Variants in PCDHGB2 observed in about 807,000 individuals in gnomAD.
PCDHGB2 encodes the protein protocadherin gamma-B2.
A neutral mutation model predicts 59.3 loss-of-function variants in PCDHGB2; 55 were observed. The observed-to-expected ratio is 0.93, with a 90% confidence interval of 0.75 to 1.16. The LOEUF (loss-of-function observed/expected upper bound fraction) is 1.16. Ranked by LOEUF, PCDHGB2 falls within the 50% of genes most tolerant of loss-of-function variation. The probability of loss-of-function intolerance (pLI) is 0.00; values close to 1 mark genes in which losing one functional copy is unlikely to be tolerated. For missense variants in PCDHGB2, 1,228 were observed against 1,198.5 expected (o/e 1.02, Z -0.36); for synonymous variants, 516 against 512.0 (o/e 1.01, Z -0.11).
intron 1 of PCDHGB2, chr5:141,399,894 C>T (rs201911174): frequency 1.9e-6 from 3 of 1,612,570 alleles, no homozygotes; most frequent in Non-Finnish European, 2.5e-6. Context: ...AGGTAGTGGC[C>T]GTGGACGCAG....
At chr5:141,492,026 G>T in intron 1 of PCDHGB2, 1 of 567,198 alleles carries the variant, frequency 1.8e-6, no homozygotes, top group Non-Finnish European at 3.0e-6. Flanking sequence ...GGGGTCCCGG[G>T]AGGAGGCAGT....
Position 141,362,139 on chromosome 5 carries a change from G to A in PCDHGB2, c.2004G>A (p.Leu668=), listed in dbSNP as rs1162182295. 2 of 1,614,030 alleles carry A rather than the reference G, an allele frequency of 1.2e-6. No homozygotes were observed. Among genetic ancestry groups the A allele is most frequent in the Admixed American group, 1.7e-5 (1 of 60,034 alleles). The change falls in exon 1 of 4, where the codon CTG becomes CTA. Residue 668 remains leucine (L), a synonymous_variant. Transcript: ENST00000522605. ...TGCACCTAATCTTCGCGGATAGCCT[G>A]CAAGAGGTATTGCCAGACCTCAGCG... is the stretch of plus-strand genomic sequence containing the variant. ...ATLHLIFADS[L]QEVLPDLSDR...
At chr5:141,506,700 G>A (rs780282969) in intron 3 of PCDHGB2, among the ~76,000 whole-genome samples, 3 of 152,138 alleles carry the variant, frequency 2.0e-5, no homozygotes, top group Non-Finnish European at 2.9e-5. Flanking sequence ...ACCCAAACCC[G>A]TTTTTTACTG....
chr5:141,365,862 C>T (rs1424716310), intron 1 of PCDHGB2: 10 of 1,613,946 alleles, frequency 6.2e-6, no homozygotes, highest in African/African-American at 4.0e-5. Context: ...AACTCTGACA[C>T]CGGTGTCCTG....
chr5:141,501,971 G>A (rs2099812098), intron 2 of PCDHGB2, among the ~76,000 whole-genome samples: 1 of 151,956 alleles, frequency 6.6e-6, no homozygotes. Context: ...CCTAACCTCT[G>A]GCATCTGGTC....
chr5:141,430,587 T>C, intron 1 of PCDHGB2: 1 of 521,996 alleles, frequency 1.9e-6, no homozygotes, highest in Non-Finnish European at 3.1e-6. Context: ...CCTGCTCGCC[T>C]TGCACGCGCC....
In PCDHGB2 at chr5:141,477,380, G is replaced by C; in HGVS notation, c.2422-17427G>C. The C allele has an allele frequency of 6.2e-7, 1 of 1,614,116 alleles. No homozygotes were observed. The highest frequency in any genetic ancestry group is 8.5e-7 in the Non-Finnish European group (1 of 1,180,028). On this transcript the variant is annotated intron_variant, in intron 1 of 3. Transcript: ENST00000522605. The surrounding 1 kb of genome is among the most constrained non-coding windows in gnomAD (Gnocchi z 4.9). ...AGACCTGGATCGGGAGACTGTGCCA[G>C]AATACAACCTCAGCATCACCGCCCG...
At chr5:141,362,600 C>T (rs1561527590) in intron 1 of PCDHGB2, 44 bp downstream of exon 1, 3 of 1,577,722 alleles carry the variant, frequency 1.9e-6, no homozygotes, top group Non-Finnish European at 1.7e-6. Flanking sequence ...TTTATTGTTT[C>T]ACCTAATTTG....
chr5:141,417,805 G>T, intron 1 of PCDHGB2: 1 of 1,499,292 alleles, frequency 6.7e-7, no homozygotes. Flanking sequence ...TAGCGCGGTA[G>T]AGTGCACTTT....
intron 2 of PCDHGB2, among the ~76,000 whole-genome samples, chr5:141,502,783 G>A (rs2099816035): frequency 6.6e-6 from 1 of 151,652 alleles, no homozygotes; most frequent in African/African-American, 2.4e-5. Context: ...AAAATTACCT[G>A]GATGATTTCT....
At position 141,389,543 on chromosome 5, in the gene PCDHGB2, C is replaced by A. The variant is rs550025687; in HGVS notation, c.2421+26987C>A. 5.6e-6 allele frequency: 9 copies of A among 1,613,282 alleles called. No individual in the cohort carries two copies. In the East Asian group the frequency reaches 6.7e-5, roughly 12 times the overall value. ...GCCTGCGCGTGTTAGTGGACGACCG[C>A]AACGACAATGCGCCACGGGTGCTGT... On this transcript the variant is annotated intron_variant, in intron 1 of 3. Transcript: ENST00000522605.
At chr5:141,398,314 A>C in intron 1 of PCDHGB2, 1 of 1,348,682 alleles carries the variant, frequency 7.4e-7, no homozygotes, top group Non-Finnish European at 1.0e-6. Context: ...GGAGTTACCG[A>C]CTCGAAAACT....
intron 1 of PCDHGB2, chr5:141,428,158 G>A: frequency 6.3e-7 from 1 of 1,577,728 alleles, no homozygotes; most frequent in Non-Finnish European, 8.7e-7. Context: ...GGAACCTGCT[G>A]GTTGCTGTGC....
At chr5:141,435,390 C>T (rs2097760754) in intron 1 of PCDHGB2, among the ~76,000 whole-genome samples, 1 of 152,052 alleles carries the variant, frequency 6.6e-6, no homozygotes, top group Non-Finnish European at 1.5e-5. Flanking sequence ...ACCGTATTGC[C>T]ATGACGAAAA....
At chr5:141,384,882 C>A in intron 1 of PCDHGB2, 1 of 1,613,872 alleles carries the variant, frequency 6.2e-7, no homozygotes, top group South Asian at 1.1e-5. Context: ...TCACACTCAC[C>A]GTGGCTGTGG....
intron 1 of PCDHGB2, chr5:141,389,404 C>G (rs2091742660): frequency 6.2e-7 from 1 of 1,613,498 alleles, no homozygotes; most frequent in African/African-American, 1.3e-5. Flanking sequence ...TCCATAAGCG[C>G]GGAGAGCGGG....
chr5:141,369,299 CATT>C (rs1766146509), intron 1 of PCDHGB2, among the ~76,000 whole-genome samples: 1 of 152,112 alleles, frequency 6.6e-6, no homozygotes. Context: ...AATAACGCAT[CATT>C]GTTAGGCTAC....
At chr5:141,380,483 A>G (rs1460206090) in intron 1 of PCDHGB2, among the ~76,000 whole-genome samples, 1 of 152,208 alleles carries the variant, frequency 6.6e-6, no homozygotes, top group Non-Finnish European at 1.5e-5. Flanking sequence ...TCTTCCCAAT[A>G]TCTCAGTCAA....
At position 141,371,994 on chromosome 5, in the gene PCDHGB2, G is replaced by T. The variant is rs769252405; in HGVS notation, c.2421+9438G>T. The T allele has an allele frequency of 1.2e-6, 2 of 1,613,246 alleles. No individual in the cohort carries two copies. Among genetic ancestry groups the T allele is most frequent in the Non-Finnish European group, 1.7e-6 (2 of 1,179,762 alleles). Reference sequence around the variant, plus strand: ...GCGTGCCTTCGAGCTCACTCTGCAGGCCCGCGACCAGGGCTCGCCTACGCT... The same window carrying T: ...GCGTGCCTTCGAGCTCACTCTGCAGTCCCGCGACCAGGGCTCGCCTACGCT... On this transcript the variant is annotated intron_variant, in intron 1 of 3. Coordinates refer to ENST00000522605, the MANE Select transcript of PCDHGB2 (RefSeq NM_018923.3).
Sources: gnomAD v4.1 joint callset for allele counts (sites outside exome capture counted in the v4.1 genomes callset) on GRCh38, gnomAD v4.1.1 for gene constraint, Gnocchi (gnomAD v3.1) non-coding constraint, MANE v1.5 for transcripts, NCBI Gene and HGNC (gene_info 2026-07-23, HGNC 2026-07-21) for gene names.